SLA: variants seen among roughly 807,000 people sequenced by gnomAD.
SLA encodes the protein src-like-adapter.
Under a neutral mutation model 30.3 loss-of-function variants are expected in SLA, and 16 were observed. The ratio of observed to expected loss-of-function variants is 0.53; its 90% CI spans 0.36 to 0.80. The LOEUF (loss-of-function observed/expected upper bound fraction) is 0.80. Ranked by LOEUF, SLA falls within the 30% of genes least tolerant of loss-of-function variation. The pLI, the probability that SLA is intolerant of heterozygous loss-of-function variation, is 0.01. For missense variants in SLA, 310 were observed against 345.2 expected (o/e 0.90, Z 0.81); for synonymous variants, 143 against 137.8 (o/e 1.04, Z -0.26).
intron 6 of SLA, among the ~76,000 whole-genome samples, chr8:133,045,741 A>G (rs1321965833): frequency 6.6e-6 from 1 of 152,050 alleles, no homozygotes; most frequent in Admixed American, 6.5e-5. Flanking sequence ...GTGCTTCCAC[A>G]TCCTGAGGCC....
Position 133,036,961 on chromosome 8 carries a change from G to A in SLA, c.*1563C>T, listed in dbSNP as rs917266348. 5 of 152,314 alleles carry A rather than the reference G, an allele frequency of 3.3e-5. No homozygotes were observed. Among genetic ancestry groups the A allele is most frequent in the Middle Eastern group, 3.2e-3 (1 of 316 alleles). 9.4% of individuals were successfully genotyped at this position (152,314 alleles called of 1,614,324 possible). On this transcript the variant is annotated 3_prime_UTR_variant, in exon 9 of 9. Coordinates refer to ENST00000338087, the MANE Select transcript of SLA (RefSeq NM_001045556.3). ...ACAGTGTTACATTCATTTCTCATACGTTGGCTGGTTCCTTTGAAATAGCCT... is the reference window on the plus strand; with the variant it reads ...ACAGTGTTACATTCATTTCTCATACATTGGCTGGTTCCTTTGAAATAGCCT...
At chr8:133,098,506 A>G (rs756783186) in intron 1 of SLA, among the ~76,000 whole-genome samples, 9 of 152,102 alleles carry the variant, frequency 5.9e-5, no homozygotes, top group Non-Finnish European at 1.2e-4. Flanking sequence ...CTTATTTGAT[A>G]CCCTCCTACA....
chr8:133,058,206 A>G (rs1841809900), intron 3 of SLA, among the ~76,000 whole-genome samples: 1 of 152,196 alleles, frequency 6.6e-6, no homozygotes, highest in Non-Finnish European at 1.5e-5. Context: ...AGAAAAGAGG[A>G]AACAACGTTA....
At chr8:133,084,788 C>T (rs1846276171) in intron 1 of SLA, among the ~76,000 whole-genome samples, 1 of 152,254 alleles carries the variant, frequency 6.6e-6, no homozygotes, top group African/African-American at 2.4e-5. Flanking sequence ...CACACTGTGC[C>T]TCCACAGGCA....
intron 2 of SLA, among the ~76,000 whole-genome samples, chr8:133,062,882 TGCACAGGCTGCTCTGCTAC>T (rs1842579977): frequency 6.6e-6 from 1 of 152,158 alleles, no homozygotes; most frequent in South Asian, 2.1e-4. Flanking sequence ...GTGTGTGACA[TGCACAGGCTGCTCTGCTAC>T]GCACAGGCCT....
At chr8:133,078,379 C>G (rs908414565) in intron 1 of SLA, among the ~76,000 whole-genome samples, 19 of 152,278 alleles carry the variant, frequency 1.2e-4, no homozygotes, top group Admixed American at 9.8e-4. Flanking sequence ...CAACAGAGGC[C>G]CAGCCAGGGA....
chr8:133,053,325 G>A lies in SLA; in HGVS notation c.62-2410C>T, dbSNP rs140125238. ...ACCCCCGGCTGTGAGTTCCGGGAGG[G>A]CAGAATACTGGTGTCTTCTGTGTCT... On this transcript the variant is annotated intron_variant, in intron 3 of 8. Coordinates refer to ENST00000338087, the MANE Select transcript of SLA (RefSeq NM_001045556.3). 2.2e-3 allele frequency among the ~76,000 whole-genome samples: 340 copies of A among 152,336 alleles called. 1 individual carries two copies. The highest frequency in any genetic ancestry group is 7.7e-3 in the African/African-American group (319 of 41,566).
chr8:133,096,123 A>T, intron 1 of SLA: 1 of 1,533,948 alleles, frequency 6.5e-7, no homozygotes, highest in Non-Finnish European at 9.0e-7. Context: ...CAGTATTGGC[A>T]TTCAGTATGG....
chr8:133,098,835 C>T (rs1194727463), intron 1 of SLA, among the ~76,000 whole-genome samples: 1 of 152,116 alleles, frequency 6.6e-6, no homozygotes, highest in Non-Finnish European at 1.5e-5. Flanking sequence ...TCTGATTATG[C>T]CCGTTCATTG....
chr8:133,048,093 G>C (rs1351559982), intron 5 of SLA, among the ~76,000 whole-genome samples, 160 bp from the exon 6 acceptor site: 2 of 152,184 alleles, frequency 1.3e-5, no homozygotes, highest in African/African-American at 4.8e-5. Context: ...GAATACTGAG[G>C]GTTCCAGTGA....
intron 3 of SLA, among the ~76,000 whole-genome samples, chr8:133,057,006 A>G (rs573335084): frequency 5.9e-4 from 90 of 152,310 alleles, no homozygotes; most frequent in African/African-American, 2.1e-3. Flanking sequence ...ATTCTGATGC[A>G]GGTGGTGCGA....
intron 7 of SLA, among the ~76,000 whole-genome samples, chr8:133,044,580 G>A (rs993389110): frequency 1.3e-5 from 2 of 152,150 alleles, no homozygotes; most frequent in Non-Finnish European, 2.9e-5. Context: ...CTTCATCGCA[G>A]AGGCGTTTCA....
At position 133,050,044 on chromosome 8, in the gene SLA, G is replaced by A; in HGVS notation, c.162-56C>T. 2 of 1,118,668 alleles carry A rather than the reference G, an allele frequency of 1.8e-6. 1 individual carries two copies. The highest frequency in any genetic ancestry group is 2.5e-5 in the South Asian group (2 of 81,114). 69.3% of individuals were successfully genotyped at this position (1,118,668 alleles called of 1,614,324 possible). A position where few individuals can be genotyped will look rare whatever the true frequency, so the allele number is the denominator to read the frequency against. ...AGATAGGTAAATAGCAAAACCAAAG[G>A]ATGAATGAACAGAGTAATCAGATTT... is the stretch of plus-strand genomic sequence containing the variant. On this transcript the variant is annotated intron_variant, in intron 4 of 8. Coordinates refer to ENST00000338087, the MANE Select transcript of SLA (RefSeq NM_001045556.3).
intron 1 of SLA, among the ~76,000 whole-genome samples, chr8:133,082,334 G>T (rs577628971): frequency 6.6e-6 from 1 of 152,318 alleles, no homozygotes; most frequent in Non-Finnish European, 1.5e-5. Context: ...AACTAGCAAA[G>T]GTCCACTGGA....
At chr8:133,092,486 T>C (rs1847719205) in intron 1 of SLA, among the ~76,000 whole-genome samples, 1 of 152,214 alleles carries the variant, frequency 6.6e-6, no homozygotes, top group Non-Finnish European at 1.5e-5. Context: ...ACCTGATCCC[T>C]TTACATCCTG....
Position 133,042,678 on chromosome 8 carries a change from C to CCTTTTTTTTTTTT in SLA, c.484+2305_484+2306insAAAAAAAAAAAAG, listed in dbSNP as rs1554706932. Among the ~76,000 whole-genome samples the CCTTTTTTTTTTTT allele has an allele frequency of 1.4e-3, 79 of 56,772 alleles. 11 individuals carry two copies. The highest frequency in any genetic ancestry group is 4.8e-3 in the East Asian group (11 of 2,280). 37.2% of individuals were successfully genotyped at this position (56,772 alleles called of 152,430 possible). On this transcript the variant is annotated intron_variant, in intron 7 of 8. Transcript: ENST00000338087. The stretch of plus-strand genomic sequence containing the variant: ...GTGCACAATTCCTCTCATTCTGTGT[C>CCTTTTTTTTTTTT]TTTTTTTTTTTTTTTTTTTTTTTTT...
chr8:133,096,173 C>T (rs1262252142), intron 1 of SLA: 1 of 1,613,392 alleles, frequency 6.2e-7, no homozygotes, highest in Non-Finnish European at 8.5e-7. Flanking sequence ...CTGATTATTC[C>T]AGGACAACTG....
intron 1 of SLA, chr8:133,094,562 A>C (rs1848129173): frequency 4.4e-6 from 1 of 229,724 alleles, no homozygotes; most frequent in Non-Finnish European, 8.8e-6. Flanking sequence ...ATTTACCCTT[A>C]CAAAGACTGT....
Position 133,050,807 on chromosome 8 carries a change from C to G in SLA, c.161+9G>C. 1 of 1,565,392 alleles carries G rather than the reference C, an allele frequency of 6.4e-7. No homozygotes were observed. Among genetic ancestry groups the G allele is most frequent in the Non-Finnish European group, 8.8e-7 (1 of 1,135,326 alleles). ...TGAAGATTGCACAAGTTTTGGAGAG[C>G]TGACTCACTCAGAAATCACACGCAG... On this transcript the variant is annotated intron_variant, in intron 4 of 8. Coordinates refer to ENST00000338087, the MANE Select transcript of SLA (RefSeq NM_001045556.3).
Sources: gnomAD v4.1 joint callset for allele counts (sites outside exome capture counted in the v4.1 genomes callset) on GRCh38, gnomAD v4.1.1 for gene constraint, MANE v1.5 for transcripts, NCBI Gene and HGNC (gene_info 2026-07-23, HGNC 2026-07-21) for gene names.